Variants in MAP7 observed in about 807,000 individuals in gnomAD.
MAP7 encodes the protein microtubule associated protein 7, also known as ensconsin.
Under a neutral mutation model 94.8 loss-of-function variants are expected in MAP7, and 52 were observed. The ratio of observed to expected loss-of-function variants is 0.55; its 90% CI spans 0.44 to 0.69. The LOEUF (loss-of-function observed/expected upper bound fraction) is 0.69. Among genes scored for constraint, MAP7 ranks in the 30% least tolerant of loss-of-function variants. The pLI, the probability that MAP7 is intolerant of heterozygous loss-of-function variation, is 0.00. For missense variants in MAP7, 940 were observed against 964.6 expected (o/e 0.97, Z 0.34); for synonymous variants, 350 against 357.0 (o/e 0.98, Z 0.22).
chr6:136,469,742 G>A (rs1251953726), intron 1 of MAP7, among the ~76,000 whole-genome samples: 1 of 152,194 alleles, frequency 6.6e-6, no homozygotes, highest in Non-Finnish European at 1.5e-5. Flanking sequence ...GATACTGGCA[G>A]ATGGATAAAG....
intron 1 of MAP7, among the ~76,000 whole-genome samples, chr6:136,485,440 T>C (rs1016451771): frequency 1.3e-5 from 2 of 152,116 alleles, no homozygotes; most frequent in African/African-American, 4.8e-5. Context: ...AAATCAAATG[T>C]ACCAGGATAA....
chr6:136,368,383 T>A (rs891115600), intron 8 of MAP7, among the ~76,000 whole-genome samples: 5 of 152,140 alleles, frequency 3.3e-5, no homozygotes, highest in African/African-American at 1.2e-4. Flanking sequence ...GAACACATAC[T>A]CAGCAAGTCA....
At chr6:136,347,375 C>CT (rs200825978) in intron 16 of MAP7, among the ~76,000 whole-genome samples, 1,663 of 150,958 alleles carry the variant, frequency 0.011, 22 homozygotes, top group East Asian at 0.04. Context: ...TAACACTTTG[C>CT]TTTTTTTTTG....
chr6:136,438,430 G>T (rs1796954457), intron 1 of MAP7, among the ~76,000 whole-genome samples: 1 of 152,192 alleles, frequency 6.6e-6, no homozygotes, highest in African/African-American at 2.4e-5. Context: ...CTGAGAAAGG[G>T]ATTAGACAAA....
intron 7 of MAP7, 47 bp downstream of exon 7, chr6:136,377,708 A>C: frequency 7.2e-7 from 1 of 1,386,478 alleles, no homozygotes; most frequent in Non-Finnish European, 1.0e-6. Flanking sequence ...TATGCTTCAA[A>C]GGGAGGACTT....
chr6:136,523,631 G>A (rs1464683702), intron 1 of MAP7, among the ~76,000 whole-genome samples: 1 of 152,186 alleles, frequency 6.6e-6, no homozygotes, highest in Non-Finnish European at 1.5e-5. Flanking sequence ...TTTATTGAAT[G>A]TGTCATAGAG....
At chr6:136,462,294 G>A (rs1276698297) in intron 1 of MAP7, among the ~76,000 whole-genome samples, 1 of 152,026 alleles carries the variant, frequency 6.6e-6, no homozygotes, top group East Asian at 1.9e-4. Flanking sequence ...GGCTTTTAAT[G>A]TATCATTTAT....
At chr6:136,413,799 A>C (rs1031249632) in intron 2 of MAP7, among the ~76,000 whole-genome samples, 2 of 151,974 alleles carry the variant, frequency 1.3e-5, no homozygotes, top group Non-Finnish European at 2.9e-5. Flanking sequence ...TTTTGTAGAG[A>C]CAGGATTTTG....
Position 136,530,662 on chromosome 6 carries a change from G to A in MAP7, c.67+19680C>T, listed in dbSNP as rs149259154. Among the ~76,000 whole-genome samples the A allele has an allele frequency of 5.5e-5, 8 of 144,888 alleles. 1 individual carries two copies. Among genetic ancestry groups the A allele is most frequent in the Admixed American group, 5.4e-4 (8 of 14,862 alleles). ...TACTGATGGCTTTTGTGACGATAAA[G>A]GCACAACATTCTGCCATCTTGCAGC... On this transcript the variant is annotated intron_variant, in intron 1 of 17. Transcript: ENST00000354570.
chr6:136,455,591 A>G (rs1390487437), intron 1 of MAP7, among the ~76,000 whole-genome samples: 1 of 152,198 alleles, frequency 6.6e-6, no homozygotes, highest in Non-Finnish European at 1.5e-5. Context: ...CTGAAATGAC[A>G]CCAGGTATTT....
intron 1 of MAP7, among the ~76,000 whole-genome samples, chr6:136,478,883 T>C (rs539217126): frequency 2.4e-4 from 35 of 148,484 alleles, no homozygotes; most frequent in African/African-American, 7.4e-4. Context: ...GAACTAATGC[T>C]AATCCTACTC....
chr6:136,538,442 G>A (rs941309431), intron 1 of MAP7, among the ~76,000 whole-genome samples: 1 of 152,028 alleles, frequency 6.6e-6, no homozygotes, highest in Non-Finnish European at 1.5e-5. Flanking sequence ...TCTCTCTATG[G>A]CTTAAAGCAA....
chr6:136,365,236 T>C (rs1310663201), intron 10 of MAP7, among the ~76,000 whole-genome samples: 1 of 152,212 alleles, frequency 6.6e-6, no homozygotes, highest in Non-Finnish European at 1.5e-5. Flanking sequence ...AACACTGGAC[T>C]CCTCCTTTCT....
At chr6:136,443,864 C>T in intron 1 of MAP7, among the ~76,000 whole-genome samples, 1 of 152,162 alleles carries the variant, frequency 6.6e-6, no homozygotes, top group East Asian at 1.9e-4. Flanking sequence ...TGCACTGCTC[C>T]TGTAGAAGCG....
chr6:136,412,939 T>C (rs577532127), intron 2 of MAP7, among the ~76,000 whole-genome samples: 9 of 152,002 alleles, frequency 5.9e-5, no homozygotes, highest in East Asian at 1.9e-4. Context: ...GGCGGGTGGA[T>C]TGCCTGAGCT....
chr6:136,365,675 A>G (rs965028817), intron 10 of MAP7, 60 bp downstream of exon 10: 14 of 1,547,378 alleles, frequency 9.0e-6, no homozygotes, highest in African/African-American at 1.4e-5. Context: ...AAAAAGCTTC[A>G]TCAAAACAGT....
chr6:136,476,531 T>C (rs1221896618), intron 1 of MAP7, among the ~76,000 whole-genome samples: 7 of 152,210 alleles, frequency 4.6e-5, no homozygotes, highest in African/African-American at 1.7e-4. Flanking sequence ...AAAGCTTCTT[T>C]AAGATCATCT....
chr6:136,516,893 A>G (rs1403018793), intron 1 of MAP7, among the ~76,000 whole-genome samples: 1 of 152,050 alleles, frequency 6.6e-6, no homozygotes, highest in Non-Finnish European at 1.5e-5. Flanking sequence ...CCATTAGCAT[A>G]GGACATTGCC....
chr6:136,534,938 C>T (rs1001603769), intron 1 of MAP7, among the ~76,000 whole-genome samples: 2 of 152,112 alleles, frequency 1.3e-5, no homozygotes, highest in Non-Finnish European at 2.9e-5. Context: ...TAGATCCGTA[C>T]ATGGGGATGG....
Sources: allele counts gnomAD v4.1 joint callset (sites outside exome capture counted in the v4.1 genomes callset), GRCh38; gene constraint gnomAD v4.1.1; transcripts MANE v1.5; gene names NCBI Gene and HGNC (gene_info 2026-07-23, HGNC 2026-07-21).